Variants in LEPROT observed in about 807,000 individuals in gnomAD.
LEPROT encodes leptin receptor overlapping transcript.
LEPROT carries 3 observed loss-of-function variants against 15.4 expected under a neutral mutation model. The observed-to-expected ratio is 0.19, with a 90% confidence interval of 0.09 to 0.50. The LOEUF is 0.50. Among genes scored for constraint, LEPROT ranks in the 20% least tolerant of loss-of-function variants. LEPROT has a pLI of 0.97. For missense variants in LEPROT, 137 were observed against 162.2 expected, an observed-to-expected ratio of 0.84 and a Z score of 0.84; for synonymous variants, 59 against 57.5, an observed-to-expected ratio of 1.03 and a Z score of -0.12.
chr1:65,434,030 GT>G lies in LEPROT; in HGVS notation c.*2116del. 1 of 985,318 alleles carries G rather than the reference GT, an allele frequency of 1.0e-6. No individual in the cohort carries two copies. The highest frequency in any genetic ancestry group is 1.2e-6 in the Non-Finnish European group (1 of 829,866). The allele number at this position is 985,318 out of a possible 1,614,324, so 61.0% of individuals were successfully genotyped here. A position where few individuals can be genotyped will look rare whatever the true frequency, so the allele number is the denominator to read the frequency against. On this transcript the variant is annotated 3_prime_UTR_variant, in exon 4 of 4. Transcript: ENST00000371065. ...CATTTCTACTACATTTTGCAAAAGTGTTTTTGTTGCTTATACACATTTTCAA... is the reference window on the plus strand; with the variant it reads ...CATTTCTACTACATTTTGCAAAAGTGTTTTGTTGCTTATACACATTTTCAA...
At position 65,434,068 on chromosome 1, in the gene LEPROT, G is replaced by GCTA; in HGVS notation, c.*2150_*2151insTAC. On this transcript the variant is annotated 3_prime_UTR_variant, in exon 4 of 4. Coordinates refer to ENST00000371065, the MANE Select transcript of LEPROT (RefSeq NM_017526.5). ...ATACACATTTTCAATAACCAAGGTA[G>GCTA]CCTTCATATGTAGCCTTAAAGCATT... 1.0e-6 allele frequency: 1 copy of GCTA among 985,246 alleles called. No homozygotes were observed. The highest frequency in any genetic ancestry group is 4.7e-5 in the South Asian group (1 of 21,284). The allele number at this position is 985,246 out of a possible 1,614,324, so 61.0% of individuals were successfully genotyped here. A position where few individuals can be genotyped will look rare whatever the true frequency, so the allele number is the denominator to read the frequency against.
At position 65,430,028 on chromosome 1, in the gene LEPROT, A is replaced by T; in HGVS notation, c.259A>T (p.Ile87Phe). The T allele has an allele frequency of 6.4e-7, 1 of 1,558,262 alleles. No homozygotes were observed. Among genetic ancestry groups the T allele is most frequent in the Non-Finnish European group, 8.8e-7 (1 of 1,139,228 alleles). ...TGTTTCTGCCTTTGGATTTCCTGTT[A>T]TTCTTGCTCGTGTGGCTGTGGTAAG... ...IVVSAFGFPVILARVAVIKWG... is the reference protein window; with the variant it reads ...IVVSAFGFPVFLARVAVIKWG... The change falls in exon 3 of 4, where the codon ATT becomes TTT. Residue 87 changes from isoleucine (I) to phenylalanine (F), a missense_variant. By Grantham distance (21) the Ile-to-Phe change is conservative. Coordinates refer to ENST00000371065, the MANE Select transcript of LEPROT (RefSeq NM_017526.5).
chr1:65,435,229 C>T lies in LEPROT; in HGVS notation c.*3310C>T, dbSNP rs1646541958. 25 of 985,174 alleles carry T rather than the reference C, an allele frequency of 2.5e-5. No homozygotes were observed. The highest frequency in any genetic ancestry group is 2.8e-5 in the Non-Finnish European group (23 of 829,890). The allele number at this position is 985,174 out of a possible 1,614,324, so 61.0% of individuals were successfully genotyped here. A position where few individuals can be genotyped will look rare whatever the true frequency, so the allele number is the denominator to read the frequency against. The stretch of plus-strand genomic sequence containing the variant: ...GAACTCATAGATTTTTCTTACTGTC[C>T]TAAGGAAGTCCTTACCTCTGAGGTA... On this transcript the variant is annotated 3_prime_UTR_variant, in exon 4 of 4. Transcript: ENST00000371065.
At chr1:65,427,010 AAG>A (rs1285535452) in intron 2 of LEPROT, among the ~76,000 whole-genome samples, 1 of 151,912 alleles carries the variant, frequency 6.6e-6, no homozygotes, top group Non-Finnish European at 1.5e-5. Context: ...AAAAAAAAAA[AAG>A]ATGATGATGA....
chr1:65,422,116 C>T (rs1646263049), intron 1 of LEPROT, among the ~76,000 whole-genome samples: 1 of 152,132 alleles, frequency 6.6e-6, no homozygotes, highest in Non-Finnish European at 1.5e-5. Context: ...AGCTCTAATT[C>T]CCTGGTACCT....
In LEPROT at chr1:65,434,133, C is replaced by T. The variant is rs1484689502; in HGVS notation, c.*2214C>T. 12 of 983,440 alleles carry T rather than the reference C, an allele frequency of 1.2e-5. No homozygotes were observed. Among genetic ancestry groups the T allele is most frequent in the Admixed American group, 1.2e-4 (2 of 16,242 alleles). The allele number at this position is 983,440 out of a possible 1,614,324, so 60.9% of individuals were successfully genotyped here. On this transcript the variant is annotated 3_prime_UTR_variant, in exon 4 of 4. Coordinates refer to ENST00000371065, the MANE Select transcript of LEPROT (RefSeq NM_017526.5). ...TCTTTAGATTGATATAAAGTACTTGCATATAGAGTATTTGAAGTGATAGAT... is the reference window on the plus strand; with the variant it reads ...TCTTTAGATTGATATAAAGTACTTGTATATAGAGTATTTGAAGTGATAGAT...
rs550450026 is a variant in LEPROT at position 65,435,461 on chromosome 1, G to A, written c.*3542G>A. On this transcript the variant is annotated 3_prime_UTR_variant, in exon 4 of 4. Transcript: ENST00000371065. Reference sequence around the variant, plus strand: ...TGGCTCACTGCAAGCTCCGCCTCCCGGGTTCACGCCATTCTCCTGCCTCAG... The same window carrying A: ...TGGCTCACTGCAAGCTCCGCCTCCCAGGTTCACGCCATTCTCCTGCCTCAG... The A allele has an allele frequency of 1.9e-3, 928 of 478,780 alleles. 2 individuals carry two copies. Among genetic ancestry groups the A allele is most frequent in the Admixed American group, 2.8e-3 (41 of 14,696 alleles). The allele number at this position is 478,780 out of a possible 1,614,324, so 29.7% of individuals were successfully genotyped here.
rs1403842139 is a variant in LEPROT, at chr1:65,434,544, G to T, written c.*2625G>T. ...TTCCCAGGCCAAGCCTCCCTCAACA[G>T]GTTCAACTCTAATATACCTAACCTG... On this transcript the variant is annotated 3_prime_UTR_variant, in exon 4 of 4. Transcript: ENST00000371065. 1 of 985,266 alleles carries T rather than the reference G, an allele frequency of 1.0e-6. No individual in the cohort carries two copies. The highest frequency in any genetic ancestry group is 1.2e-6 in the Non-Finnish European group (1 of 829,824). The allele number at this position is 985,266 out of a possible 1,614,324, so 61.0% of individuals were successfully genotyped here.
chr1:65,427,535 G>A (rs1214071848), intron 2 of LEPROT, among the ~76,000 whole-genome samples: 1 of 152,098 alleles, frequency 6.6e-6, no homozygotes, highest in African/African-American at 2.4e-5. Context: ...GTCCAGCCTG[G>A]GCGACAGAGT....
chr1:65,434,040 C>G lies in LEPROT; in HGVS notation c.*2121C>G. The stretch of plus-strand genomic sequence containing the variant: ...ACATTTTGCAAAAGTGTTTTTGTTG[C>G]TTATACACATTTTCAATAACCAAGG... On this transcript the variant is annotated 3_prime_UTR_variant, in exon 4 of 4. Coordinates refer to ENST00000371065, the MANE Select transcript of LEPROT (RefSeq NM_017526.5). The G allele has an allele frequency of 1.0e-6, 1 of 985,246 alleles. No homozygotes were observed. The highest frequency in any genetic ancestry group is 1.2e-6 in the Non-Finnish European group (1 of 829,834). The allele number at this position is 985,246 out of a possible 1,614,324, so 61.0% of individuals were successfully genotyped here.
intron 3 of LEPROT, among the ~76,000 whole-genome samples, chr1:65,430,531 T>C (rs184424324): frequency 8.5e-5 from 13 of 152,326 alleles, no homozygotes; most frequent in Admixed American, 8.5e-4. Flanking sequence ...ACAAAAACTT[T>C]CTTTTTGTCT....
chr1:65,420,757 G>T lies in LEPROT; in HGVS notation c.16+17G>T. 6.3e-7 allele frequency: 1 copy of T among 1,577,486 alleles called. No individual in the cohort carries two copies. Among genetic ancestry groups the T allele is most frequent in the South Asian group, 1.2e-5 (1 of 86,048 alleles). On this transcript the variant is annotated intron_variant, in intron 1 of 3. Coordinates refer to ENST00000371065, the MANE Select transcript of LEPROT (RefSeq NM_017526.5). ...GCGTTAAAGGTACATCGCGGTCCCCGGCTCGCTTGTCGTGTGGTGGGGTTG... is the reference window on the plus strand; with the variant it reads ...GCGTTAAAGGTACATCGCGGTCCCCTGCTCGCTTGTCGTGTGGTGGGGTTG...
chr1:65,427,563 AT>A (rs766505572), intron 2 of LEPROT, among the ~76,000 whole-genome samples: 179 of 152,278 alleles, frequency 1.2e-3, no homozygotes, highest in Non-Finnish European at 2.1e-3. Flanking sequence ...TGTCTCTTAA[AT>A]AAAAAAGTAG....
chr1:65,430,627 C>T (rs749526095), intron 3 of LEPROT, among the ~76,000 whole-genome samples: 1 of 152,126 alleles, frequency 6.6e-6, no homozygotes, highest in African/African-American at 2.4e-5. Flanking sequence ...CCTCCAATTA[C>T]GTTCTATTTT....
chr1:65,422,880 G>A (rs1452764086), intron 1 of LEPROT, among the ~76,000 whole-genome samples: 1 of 152,202 alleles, frequency 6.6e-6, no homozygotes, highest in Non-Finnish European at 1.5e-5. Context: ...TGGCAGCGGT[G>A]ATATATATAG....
intron 2 of LEPROT, among the ~76,000 whole-genome samples, chr1:65,425,733 T>C (rs1172830851): frequency 2.6e-5 from 4 of 152,148 alleles, no homozygotes; most frequent in African/African-American, 7.2e-5. Context: ...GCCAGCACAG[T>C]ACGCTGGAGC....
In LEPROT at chr1:65,434,481, C is replaced by G; in HGVS notation, c.*2562C>G. ...TGGGTTACAAGCAGACTTTGAGACA[C>G]TTTTCCACAGAAACAATACTATGAA... On this transcript the variant is annotated 3_prime_UTR_variant, in exon 4 of 4. Transcript: ENST00000371065. The G allele has an allele frequency of 1.0e-6, 1 of 985,304 alleles. No homozygotes were observed. Among genetic ancestry groups the G allele is most frequent in the Non-Finnish European group, 1.2e-6 (1 of 829,848 alleles). 61.0% of individuals were successfully genotyped at this position (985,304 alleles called of 1,614,324 possible). A position where few individuals can be genotyped will look rare whatever the true frequency, so the allele number is the denominator to read the frequency against.
intron 1 of LEPROT, among the ~76,000 whole-genome samples, chr1:65,422,853 A>C (rs1646278950): frequency 6.6e-6 from 1 of 152,240 alleles, no homozygotes; most frequent in Admixed American, 6.5e-5. Context: ...TAGGCTGTGG[A>C]AGCAACCGCA....
chr1:65,429,735 T>C (rs778959907), intron 2 of LEPROT, 127 bp from the exon 3 acceptor site: 302 of 790,846 alleles, frequency 3.8e-4, no homozygotes, highest in Non-Finnish European at 5.0e-4. Context: ...TGTTCTAATA[T>C]TCACAATTAA....
Sources: allele counts gnomAD v4.1 joint callset (sites outside exome capture counted in the v4.1 genomes callset), GRCh38; gene constraint gnomAD v4.1.1; transcripts MANE v1.5; gene names NCBI Gene and HGNC (gene_info 2026-07-23, HGNC 2026-07-21).